The following DHX8 variants were observed in gnomAD, a reference collection of about 807,000 sequenced individuals.
DHX8 encodes DEAH-box helicase 8.
Under a neutral mutation model 140.7 loss-of-function variants are expected in DHX8, and 67 were observed. The observed-to-expected ratio is 0.48, with a 90% confidence interval of 0.39 to 0.58. DHX8 has a LOEUF of 0.58. DHX8 is among the 20% of genes least tolerant of loss of function. The pLI is 0.00. For missense variants in DHX8, 887 were observed against 1,550.7 expected (o/e 0.57, Z 7.19); for synonymous variants, 533 against 553.2 (o/e 0.96, Z 0.51).
chr17:43,524,567 C>T lies in DHX8; in HGVS notation c.*720C>T. The T allele has an allele frequency of 1.0e-6, 1 of 985,752 alleles. No homozygotes were observed. Among genetic ancestry groups the T allele is most frequent in the Non-Finnish European group, 1.2e-6 (1 of 830,252 alleles). 61.1% of individuals were successfully genotyped at this position (985,752 alleles called of 1,614,324 possible). ...CACCCGATGATCAACCATGTCCTCT[C>T]CACAGAGCACTTCAGTCTGGAGGCC... On this transcript the variant is annotated 3_prime_UTR_variant, in exon 23 of 23. Coordinates refer to ENST00000262415, the MANE Select transcript of DHX8 (RefSeq NM_004941.3).
rs1968628499 is a variant in DHX8, at chr17:43,492,980, A to G, written c.803A>G (p.Tyr268Cys). The stretch of plus-strand genomic sequence containing the variant: ...GAAGAGCCCACCATTGGTGACATTT[A>G]TAATGGCAAAGTTACCAGCATCATG... ...PPEEPTIGDI[Y>C]NGKVTSIMQF... The change falls in exon 6 of 23, where the codon TAT becomes TGT. Residue 268 changes from tyrosine (Y) to cysteine (C), a missense_variant. This residue lies in a region of DHX8 where 304 missense variants were observed against 306.9 expected (regional missense o/e 0.99). Transcript: ENST00000262415. The G allele has an allele frequency of 1.9e-6, 3 of 1,614,222 alleles. No homozygotes were observed. The highest frequency in any genetic ancestry group is 2.5e-6 in the Non-Finnish European group (3 of 1,180,040).
chr17:43,487,089 C>T (rs979972254), intron 1 of DHX8, among the ~76,000 whole-genome samples: 2 of 152,108 alleles, frequency 1.3e-5, no homozygotes, highest in African/African-American at 2.4e-5. Context: ...TGTCTCAAAC[C>T]GTCAGCTTCC....
At chr17:43,490,498 A>C in intron 3 of DHX8, 35 bp downstream of exon 3, 1 of 1,555,378 alleles carries the variant, frequency 6.4e-7, no homozygotes. Context: ...TAGCTTCTAG[A>C]ATGGTGTAGG....
Position 43,507,023 on chromosome 17 carries a change from C to T in DHX8, c.1749C>T (p.Ile583=). The T allele has an allele frequency of 3.1e-6, 5 of 1,607,320 alleles. No homozygotes were observed. Among genetic ancestry groups the T allele is most frequent in the Non-Finnish European group, 4.2e-6 (5 of 1,177,192 alleles). ...QLVQAVHDNQ[I]LIVIGETGSG... ...TTCAGGCCGTCCATGACAATCAGAT[C>T]CTGATTGTCATTGGTGAGACAGGAT... The change falls in exon 13 of 23, where the codon ATC becomes ATT. Residue 583 remains isoleucine (I), a synonymous_variant. Transcript: ENST00000262415.
Position 43,490,422 on chromosome 17 carries a change from T to C in DHX8, c.266T>C (p.Ile89Thr), listed in dbSNP as rs377168250. The change falls in exon 3 of 23, where the codon ATA becomes ACA. Residue 89 changes from isoleucine to threonine, a missense_variant. By Grantham distance (89) the Ile-to-Thr change is moderately conservative. This residue lies in a region of DHX8 where 304 missense variants were observed against 306.9 expected (regional missense o/e 0.99). Coordinates refer to ENST00000262415, the MANE Select transcript of DHX8 (RefSeq NM_004941.3). Reference sequence around the variant, plus strand: ...CTTATTAGTAACTTGCTGCGTCTCATACAAACCATGCGGCCTCCAGCGAAG... The same window carrying C: ...CTTATTAGTAACTTGCTGCGTCTCACACAAACCATGCGGCCTCCAGCGAAG... ...DSLISNLLRL[I>T]QTMRPPAKPS... is the part of the protein sequence containing the mutation. 2 of 1,613,882 alleles carry C rather than the reference T, an allele frequency of 1.2e-6. No individual in the cohort carries two copies. Among genetic ancestry groups the C allele is most frequent in the African/African-American group, 1.3e-5 (1 of 75,060 alleles).
chr17:43,529,397 G>A (rs1369976531), downstream of DHX8: 1 of 1,448,602 alleles, frequency 6.9e-7, no homozygotes, highest in East Asian at 2.4e-5. Flanking sequence ...ATTCAGGTTA[G>A]GTAAAGCAAG....
In DHX8 at chr17:43,521,555, A is replaced by G. The variant is rs1970375938; in HGVS notation, c.3253A>G (p.Ile1085Val). ...AQDIRKQMLG[I>V]MDRHKLDVVS... ...GGACATTCGCAAGCAGATGTTAGGCATAATGGACAGGTAAGCTGGAATCTG... is the reference window on the plus strand; with the variant it reads ...GGACATTCGCAAGCAGATGTTAGGCGTAATGGACAGGTAAGCTGGAATCTG... The change falls in exon 21 of 23, where the codon ATA becomes GTA. Residue 1085 changes from isoleucine (I) to valine (V), a missense_variant. Around this residue, in one of 9 missense-constraint regions of DHX8, gnomAD observed 101 missense variants for 168.2 expected, o/e 0.60. Transcript: ENST00000262415. 1.2e-6 allele frequency: 2 copies of G among 1,611,656 alleles called. No individual in the cohort carries two copies. The highest frequency in any genetic ancestry group is 1.1e-5 in the South Asian group (1 of 91,006).
At chr17:43,528,532 C>G, downstream of DHX8, 1 of 1,608,668 alleles carries the variant, frequency 6.2e-7, no homozygotes, top group African/African-American at 1.3e-5. Flanking sequence ...GTAAGAGTAG[C>G]CACCCTTGGG....
intron 11 of DHX8, 34 bp downstream of exon 11, chr17:43,500,137 T>G: frequency 1.2e-6 from 2 of 1,601,698 alleles, no homozygotes; most frequent in Non-Finnish European, 1.7e-6. Flanking sequence ...GGACCTTGTT[T>G]AAAAATCTGA....
chr17:43,530,521 A>G (rs145234272), downstream of DHX8: 12 of 1,023,858 alleles, frequency 1.2e-5, no homozygotes, highest in African/African-American at 1.9e-4. Context: ...CGTCCGGGGA[A>G]AGAGTTCGGT....
At chr17:43,531,467 G>T (rs981992308), downstream of DHX8, among the ~76,000 whole-genome samples, 1 of 152,130 alleles carries the variant, frequency 6.6e-6, no homozygotes, top group Non-Finnish European at 1.5e-5. Flanking sequence ...TCAATTGGGA[G>T]GCTCAAATAT....
intron 17 of DHX8, 88 bp from the exon 18 acceptor site, chr17:43,517,079 T>C: frequency 1.4e-6 from 2 of 1,397,776 alleles, no homozygotes; most frequent in Non-Finnish European, 9.5e-7. Context: ...TGCCAGTTGT[T>C]AATTGTCCCC....
At chr17:43,498,476 G>A (rs1033332762) in intron 9 of DHX8, among the ~76,000 whole-genome samples, 1 of 144,698 alleles carries the variant, frequency 6.9e-6, no homozygotes, top group Non-Finnish European at 1.5e-5. Context: ...TTAAGACAGA[G>A]TCTCACTCTG....
chr17:43,518,690 T>C (rs1270031262), intron 18 of DHX8: 1 of 152,114 alleles, frequency 6.6e-6, no homozygotes, highest in Admixed American at 6.6e-5. Context: ...ATCACCAACA[T>C]CCATTTCCAG....
intron 11 of DHX8, among the ~76,000 whole-genome samples, chr17:43,503,511 A>G (rs1969323369): frequency 6.6e-6 from 1 of 151,902 alleles, no homozygotes; most frequent in South Asian, 2.1e-4. Context: ...AAAAAAAAAA[A>G]AAGTTTAGCC....
chr17:43,524,427 C>G lies in DHX8; in HGVS notation c.*580C>G, dbSNP rs967277580. 17 of 988,234 alleles carry G rather than the reference C, an allele frequency of 1.7e-5. No individual in the cohort carries two copies. The highest frequency in any genetic ancestry group is 1.9e-5 in the Non-Finnish European group (16 of 831,986). The allele number at this position is 988,234 out of a possible 1,614,324, so 61.2% of individuals were successfully genotyped here. A position where few individuals can be genotyped will look rare whatever the true frequency, so the allele number is the denominator to read the frequency against. On this transcript the variant is annotated 3_prime_UTR_variant, in exon 23 of 23. Transcript: ENST00000262415. ...TGCTCTGGCACACATGATGAGAATC[C>G]CCTGAATCCCCTGAAACCAGAACGC...
At chr17:43,517,632 C>G (rs1321793055) in intron 18 of DHX8, 1 of 275,106 alleles carries the variant, frequency 3.6e-6, no homozygotes, top group African/African-American at 2.2e-5. Flanking sequence ...AAACTGTGGA[C>G]ACACACACCT....
At chr17:43,525,815 C>G, downstream of DHX8, 1 of 985,510 alleles carries the variant, frequency 1.0e-6, no homozygotes, top group Non-Finnish European at 1.2e-6. Flanking sequence ...AGAAACACTC[C>G]TGGATATAGT....
At chr17:43,529,362 G>T, downstream of DHX8, 2 of 1,391,136 alleles carry the variant, frequency 1.4e-6, no homozygotes, top group Non-Finnish European at 2.0e-6. Context: ...CAAAGCATCA[G>T]CCCACAGACT....
Sources: allele counts gnomAD v4.1 joint callset (sites outside exome capture counted in the v4.1 genomes callset), GRCh38; gene constraint gnomAD v4.1.1; regional missense constraint gnomAD v4.1.1; transcripts MANE v1.5; gene names NCBI Gene and HGNC (gene_info 2026-07-23, HGNC 2026-07-21).